Variants in FOXC1 observed in about 807,000 individuals in gnomAD.
The protein encoded by FOXC1 is forkhead box protein C1.
Under a neutral mutation model 8.1 loss-of-function variants are expected in FOXC1, and 5 were observed. The observed-to-expected ratio is 0.62, with a 90% CI of 0.32 to 1.30. FOXC1 has a LOEUF of 1.30. Ranked by LOEUF, FOXC1 falls within the 50% of genes most tolerant of loss-of-function variation. FOXC1 has a pLI of 0.05. For missense variants in FOXC1, 942 were observed against 858.0 expected, an observed-to-expected ratio of 1.10 and a Z score of -1.22; for synonymous variants, 552 against 417.2, an observed-to-expected ratio of 1.32 and a Z score of -3.94.
Position 1,610,464 on chromosome 6 carries a change from G to C in FOXC1, c.19G>C (p.Val7Leu). ...GGGGGCCATGCAGGCGCGCTACTCC[G>C]TGTCCAGCCCCAACTCCCTGGGAGT... MQARYSVSSPNSLGVVP... is the reference protein window; with the variant it reads MQARYSLSSPNSLGVVP... Residue 7 changes from valine to leucine, a missense_variant, in exon 1 of 1, where the codon GTG becomes CTG. Physicochemically the swap from Val to Leu is conservative, Grantham distance 32. Transcript: ENST00000645831. 1 of 1,446,242 alleles carries C rather than the reference G, an allele frequency of 6.9e-7. No homozygotes were observed. The highest frequency in any genetic ancestry group is 1.5e-5 in the South Asian group (1 of 67,678). 89.6% of individuals were successfully genotyped at this position (1,446,242 alleles called of 1,614,324 possible). A position where few individuals can be genotyped will look rare whatever the true frequency, so the allele number is the denominator to read the frequency against.
Position 1,611,286 on chromosome 6 carries a change from C to G in FOXC1, c.841C>G (p.Arg281Gly). Residue 281 changes from arginine (R) to glycine (G), a missense_variant, in exon 1 of 1, where the codon CGG becomes GGG. Around this residue, in one of 4 missense-constraint regions of FOXC1, gnomAD observed 726 missense variants for 599.6 expected, o/e 1.21. Transcript: ENST00000645831. This position sits in a 1 kb window ranked among gnomAD's most constrained non-coding sequence, Gnocchi z 7.1. Reference sequence around the variant, plus strand: ...CCCCCCGGGCAGCCTGCCGTCGGCGCGGCCGCTCAGCCTGGACGGTGCGGA... The same window carrying G: ...CCCCCCGGGCAGCCTGCCGTCGGCGGGGCCGCTCAGCCTGGACGGTGCGGA... ...SSPPGSLPSA[R>G]PLSLDGADSA... is the part of the protein sequence containing the mutation. 1 of 1,385,658 alleles carries G rather than the reference C, an allele frequency of 7.2e-7. No individual in the cohort carries two copies. Among genetic ancestry groups the G allele is most frequent in the Non-Finnish European group, 9.3e-7 (1 of 1,071,780 alleles). 85.8% of individuals were successfully genotyped at this position (1,385,658 alleles called of 1,614,324 possible). A position where few individuals can be genotyped will look rare whatever the true frequency, so the allele number is the denominator to read the frequency against.
In FOXC1 at chr6:1,611,899, T is replaced by C. The variant is rs1273171402; in HGVS notation, c.1454T>C (p.Leu485Ser). The C allele has an allele frequency of 9.1e-6, 14 of 1,533,576 alleles. No individual in the cohort carries two copies. Among genetic ancestry groups the C allele is most frequent in the African/African-American group, 1.5e-5 (1 of 68,038 alleles). The allele number at this position is 1,533,576 out of a possible 1,614,324, so 95.0% of individuals were successfully genotyped here. Residue 485 changes from leucine to serine, a missense_variant, in exon 1 of 1, where the codon TTG (leucine) becomes TCG (serine). Coordinates refer to ENST00000645831, the MANE Select transcript of FOXC1 (RefSeq NM_001453.3). The surrounding 1 kb of genome is among the most constrained non-coding windows in gnomAD (Gnocchi z 7.1). The stretch of plus-strand genomic sequence containing the variant: ...CAGGCGGGCGGAGACCTGGGCCACT[T>C]GGCGAGCGCGGCGGCGGCGGCGGCG... Reference protein sequence around the residue: ...LNQAGGDLGHLASAAAAAAAA... With the variant: ...LNQAGGDLGHSASAAAAAAAA...
At position 1,612,024 on chromosome 6, in the gene FOXC1, A is replaced by G. The variant is rs1762565099; in HGVS notation, c.1579A>G (p.Ser527Gly). The G allele has an allele frequency of 6.2e-7, 1 of 1,613,532 alleles. No individual in the cohort carries two copies. Among genetic ancestry groups the G allele is most frequent in the Non-Finnish European group, 8.5e-7 (1 of 1,180,002 alleles). ...GAACAACTCTCCAGTGAACGGGAAT[A>G]GTAGCTGTCAAATGGCCTTCCCTTC... ...GLNNSPVNGN[S>G]SCQMAFPSSQ... Residue 527 changes from serine (S) to glycine (G), a missense_variant, in exon 1 of 1, where the codon AGT becomes GGT. By Grantham distance (56) the Ser-to-Gly change is moderately conservative. Transcript: ENST00000645831.
Position 1,611,512 on chromosome 6 carries a change from GC to G in FOXC1, c.1069del (p.Gln357ArgfsTer44). 1 of 1,365,108 alleles carries G rather than the reference GC, an allele frequency of 7.3e-7. No homozygotes were observed. Among genetic ancestry groups the G allele is most frequent in the Non-Finnish European group, 9.5e-7 (1 of 1,053,180 alleles). The allele number at this position is 1,365,108 out of a possible 1,614,324, so 84.6% of individuals were successfully genotyped here. On this transcript the variant is annotated frameshift_variant, in exon 1 of 1. Coordinates refer to ENST00000645831, the MANE Select transcript of FOXC1 (RefSeq NM_001453.3). LOFTEE classifies it low-confidence loss of function (END_TRUNC). This position sits in a 1 kb window ranked among gnomAD's most constrained non-coding sequence, Gnocchi z 7.1. ...PPLALGAYSP[G>X]QSSLYSSPCS... Reference sequence around the variant, plus strand: ...CTGGCGCTCGGCGCCTACTCGCCCGGCCAGAGCTCCCTCTACAGCTCCCCCT... The same window carrying G: ...CTGGCGCTCGGCGCCTACTCGCCCGGCAGAGCTCCCTCTACAGCTCCCCCT...
chr6:1,611,144 C>T lies in FOXC1; in HGVS notation c.699C>T (p.Cys233=), dbSNP rs760040270. 1.3e-5 allele frequency: 18 copies of T among 1,439,716 alleles called. No individual in the cohort carries two copies. The highest frequency in any genetic ancestry group is 1.5e-5 in the Non-Finnish European group (16 of 1,088,528). The allele number at this position is 1,439,716 out of a possible 1,614,324, so 89.2% of individuals were successfully genotyped here. ...ACATCAAGACCGAGAACGGTACGTG[C>T]CCCTCGCCGCCCCAGCCCCTGTCCC... ...IQDIKTENGT[C]PSPPQPLSPA... is the part of the protein sequence containing the mutation. The change falls in exon 1 of 1, where the codon TGC becomes TGT. Residue 233 remains cysteine (C), a synonymous_variant. Coordinates refer to ENST00000645831, the MANE Select transcript of FOXC1 (RefSeq NM_001453.3). This position sits in a 1 kb window ranked among gnomAD's most constrained non-coding sequence, Gnocchi z 7.1.
In FOXC1 at chr6:1,611,004, G is replaced by C. The variant is rs772018744; in HGVS notation, c.559G>C (p.Asp187His). 1 of 1,609,254 alleles carries C rather than the reference G, an allele frequency of 6.2e-7. No individual in the cohort carries two copies. Among genetic ancestry groups the C allele is most frequent in the South Asian group, 1.1e-5 (1 of 90,868 alleles). ...KDAVKDKEEK[D>H]RLHLKEPPPP... ...CGCGGTGAAGGACAAGGAGGAGAAG[G>C]ACAGGCTGCACCTCAAGGAGCCGCC... The change falls in exon 1 of 1, where the codon GAC becomes CAC. Residue 187 changes from aspartate (D) to histidine (H), a missense_variant. Around this residue, in one of 4 missense-constraint regions of FOXC1, gnomAD observed 726 missense variants for 599.6 expected, o/e 1.21. Transcript: ENST00000645831. This position sits in a 1 kb window ranked among gnomAD's most constrained non-coding sequence, Gnocchi z 7.1.
rs535065221 is a variant in FOXC1 at position 1,611,554 on chromosome 6, G to C, written c.1109G>C (p.Ser370Thr). 63 of 1,229,392 alleles carry C rather than the reference G, an allele frequency of 5.1e-5. No homozygotes were observed. Among genetic ancestry groups the C allele is most frequent in the Middle Eastern group, 6.4e-4 (2 of 3,138 alleles). 76.2% of individuals were successfully genotyped at this position (1,229,392 alleles called of 1,614,324 possible). The change falls in exon 1 of 1, where the codon AGC becomes ACC. Residue 370 changes from serine to threonine, a missense_variant. Coordinates refer to ENST00000645831, the MANE Select transcript of FOXC1 (RefSeq NM_001453.3). This position sits in a 1 kb window ranked among gnomAD's most constrained non-coding sequence, Gnocchi z 7.1. ...LYSSPCSQTSSAGSSGGGGGG... is the reference protein window; with the variant it reads ...LYSSPCSQTSTAGSSGGGGGG... ...AGCTCCCCCTGCAGCCAGACCTCCA[G>C]CGCGGGCAGCTCGGGCGGCGGCGGC...
rs1165097104 is a variant in FOXC1 at position 1,610,555 on chromosome 6, A to G, written c.110A>G (p.Tyr37Cys). The G allele has an allele frequency of 1.3e-6, 2 of 1,561,616 alleles. No homozygotes were observed. The highest frequency in any genetic ancestry group is 1.4e-5 in the African/African-American group (1 of 73,122). The change falls in exon 1 of 1, where the codon TAC becomes TGC. Residue 37 changes from tyrosine (Y) to cysteine (C), a missense_variant. Coordinates refer to ENST00000645831, the MANE Select transcript of FOXC1 (RefSeq NM_001453.3). ...GCGGCCGCGGCGGCCGGGGGCGGCT[A>G]CACCGCCATGCCGGCCCCCATGAGC... The part of the protein sequence containing the change: ...RAAAAAAGGG[Y>C]TAMPAPMSVY...
At position 1,611,958 on chromosome 6, in the gene FOXC1, C is replaced by A; in HGVS notation, c.1513C>A (p.His505Asn). The change falls in exon 1 of 1, where the codon CAC (histidine) becomes AAC (asparagine). Residue 505 changes from histidine (H) to asparagine (N), a missense_variant. Coordinates refer to ENST00000645831, the MANE Select transcript of FOXC1 (RefSeq NM_001453.3). The surrounding 1 kb of genome is among the most constrained non-coding windows in gnomAD (Gnocchi z 7.1). ...AGYPGQQQNF[H>N]SVREMFESQR... ...CTACCCGGGCCAGCAGCAGAACTTC[C>A]ACTCGGTGCGGGAGATGTTCGAGTC... 6.2e-7 allele frequency: 1 copy of A among 1,602,980 alleles called. No individual in the cohort carries two copies.
rs1200902431 is a variant in FOXC1, at chr6:1,610,562, C to T, written c.117C>T (p.Ala39=). 3.8e-6 allele frequency: 6 copies of T among 1,570,364 alleles called. No individual in the cohort carries two copies. Among genetic ancestry groups the T allele is most frequent in the African/African-American group, 1.4e-5 (1 of 73,570 alleles). Residue 39 remains alanine, a synonymous_variant, in exon 1 of 1, where the codon GCC becomes GCT. Transcript: ENST00000645831. ...CGGCGGCCGGGGGCGGCTACACCGC[C>T]ATGCCGGCCCCCATGAGCGTGTACT... ...AAAAAGGGYT[A]MPAPMSVYSH...
Position 1,610,455 on chromosome 6 carries a change from C to T in FOXC1, c.10C>T (p.Arg4Cys), listed in dbSNP as rs1419959878. Residue 4 changes from arginine (R) to cysteine (C), a missense_variant, in exon 1 of 1, where the codon CGC (arginine) becomes TGC (cysteine). Physicochemically the swap from Arg to Cys is radical, Grantham distance 180. Transcript: ENST00000645831. MQARYSVSSPNSLG... is the reference protein window; with the variant it reads MQACYSVSSPNSLG... ...GCGGCGAGCGGGGGCCATGCAGGCG[C>T]GCTACTCCGTGTCCAGCCCCAACTC... is the stretch of plus-strand genomic sequence containing the variant. 20 of 1,426,088 alleles carry T rather than the reference C, an allele frequency of 1.4e-5. No individual in the cohort carries two copies. Among genetic ancestry groups the T allele is most frequent in the Non-Finnish European group, 1.7e-5 (19 of 1,090,984 alleles). The allele number at this position is 1,426,088 out of a possible 1,614,324, so 88.3% of individuals were successfully genotyped here.
rs869168693 is a variant in FOXC1, at chr6:1,612,767, CTTTT to C, written c.*662_*665del. 4.7e-6 allele frequency: 1 copy of C among 210,750 alleles called. No individual in the cohort carries two copies. Among genetic ancestry groups the C allele is most frequent in the African/African-American group, 2.3e-5 (1 of 43,190 alleles). 13.1% of individuals were successfully genotyped at this position (210,750 alleles called of 1,614,324 possible). ...AATCTTATTCTATCCTCTTTTCTTT[CTTTT>C]TGTTGAACATATTCATTGTTTGTTT... is the stretch of plus-strand genomic sequence containing the variant. On this transcript the variant is annotated 3_prime_UTR_variant, in exon 1 of 1. Coordinates refer to ENST00000645831, the MANE Select transcript of FOXC1 (RefSeq NM_001453.3).
chr6:1,610,908 G>C lies in FOXC1; in HGVS notation c.463G>C (p.Asp155His). 1 of 1,613,976 alleles carries C rather than the reference G, an allele frequency of 6.2e-7. No individual in the cohort carries two copies. The highest frequency in any genetic ancestry group is 8.5e-7 in the Non-Finnish European group (1 of 1,179,986). The change falls in exon 1 of 1, where the codon GAC becomes CAC. Residue 155 changes from aspartate (D) to histidine (H), a missense_variant. Physicochemically the swap from Asp to His is moderately conservative, Grantham distance 81. Around this residue, in one of 4 missense-constraint regions of FOXC1, gnomAD observed 26 missense variants for 65.5 expected, o/e 0.40. Transcript: ENST00000645831. Reference sequence around the variant, plus strand: ...GGGCAAGGGCAGCTACTGGACGCTGGACCCGGACTCCTACAACATGTTCGA... The same window carrying C: ...GGGCAAGGGCAGCTACTGGACGCTGCACCCGGACTCCTACAACATGTTCGA... Reference protein sequence around the residue: ...KPGKGSYWTLDPDSYNMFENG... With the variant: ...KPGKGSYWTLHPDSYNMFENG...
Position 1,612,486 on chromosome 6 carries a change from T to C in FOXC1, c.*379T>C. The C allele has an allele frequency of 2.4e-6, 1 of 408,366 alleles. No homozygotes were observed. Among genetic ancestry groups the C allele is most frequent in the Non-Finnish European group, 4.6e-6 (1 of 215,774 alleles). The allele number at this position is 408,366 out of a possible 1,614,324, so 25.3% of individuals were successfully genotyped here. A position where few individuals can be genotyped will look rare whatever the true frequency, so the allele number is the denominator to read the frequency against. On this transcript the variant is annotated 3_prime_UTR_variant, in exon 1 of 1. Coordinates refer to ENST00000645831, the MANE Select transcript of FOXC1 (RefSeq NM_001453.3). ...TCCTCCCGTCTCCCCTCTCTTGCCT[T>C]CTTCCTTGCCTCTCACCTGTAAGAT...
At position 1,611,938 on chromosome 6, in the gene FOXC1, C is replaced by T. The variant is rs542630440; in HGVS notation, c.1493C>T (p.Pro498Leu). 3 of 1,581,624 alleles carry T rather than the reference C, an allele frequency of 1.9e-6. No individual in the cohort carries two copies. Among genetic ancestry groups the T allele is most frequent in the Admixed American group, 1.8e-5 (1 of 54,772 alleles). The stretch of plus-strand genomic sequence containing the variant: ...GCGGCGGCGGCGGCCGCAGGCTACC[C>T]GGGCCAGCAGCAGAACTTCCACTCG... Reference protein sequence around the residue: ...AAAAAAAAGYPGQQQNFHSVR... With the variant: ...AAAAAAAAGYLGQQQNFHSVR... Residue 498 changes from proline (P) to leucine (L), a missense_variant, in exon 1 of 1, where the codon CCG becomes CTG. Coordinates refer to ENST00000645831, the MANE Select transcript of FOXC1 (RefSeq NM_001453.3). The surrounding 1 kb of genome is among the most constrained non-coding windows in gnomAD (Gnocchi z 7.1).
At position 1,610,674 on chromosome 6, in the gene FOXC1, G is replaced by A. The variant is rs765987336; in HGVS notation, c.229G>A (p.Val77Met). ...GCCGCAGCCGCAGCCCAAGGACATG[G>A]TGAAGCCGCCCTATAGCTACATCGC... ...YTPQPQPKDM[V>M]KPPYSYIALI... The change falls in exon 1 of 1, where the codon GTG becomes ATG. Residue 77 changes from valine to methionine, a missense_variant. By Grantham distance (21) the Val-to-Met change is conservative. Transcript: ENST00000645831. 2.5e-6 allele frequency: 4 copies of A among 1,613,734 alleles called. No individual in the cohort carries two copies. Among genetic ancestry groups the A allele is most frequent in the Non-Finnish European group, 3.4e-6 (4 of 1,179,974 alleles).
At position 1,612,104 on chromosome 6, in the gene FOXC1, T is replaced by G; in HGVS notation, c.1659T>G (p.Phe553Leu). 1 of 1,613,968 alleles carries G rather than the reference T, an allele frequency of 6.2e-7. No homozygotes were observed. The highest frequency in any genetic ancestry group is 1.3e-5 in the African/African-American group (1 of 75,012). The part of the protein sequence containing the change: ...SGAFVYDCSK[F>L] ...CTTTCGTCTACGACTGTAGCAAGTT[T>G]TGACACACCCTCAAAGCCGAACTAA... The change falls in exon 1 of 1, where the codon TTT becomes TTG. Residue 553 changes from phenylalanine to leucine, a missense_variant. Physicochemically the swap from Phe to Leu is conservative, Grantham distance 22. Around this residue, in one of 4 missense-constraint regions of FOXC1, gnomAD observed 726 missense variants for 599.6 expected, o/e 1.21. Coordinates refer to ENST00000645831, the MANE Select transcript of FOXC1 (RefSeq NM_001453.3).
rs553305445 is a variant in FOXC1, at chr6:1,613,693, A to C, written c.*1586A>C. 8 of 159,536 alleles carry C rather than the reference A, an allele frequency of 5.0e-5. No individual in the cohort carries two copies. The highest frequency in any genetic ancestry group is 2.0e-4 in the African/African-American group (7 of 35,402). The allele number at this position is 159,536 out of a possible 1,614,324, so 9.9% of individuals were successfully genotyped here. ...CTTAGGGTGATCTGCCCTGCCAATC[A>C]GACTTTGGGGAGATGGCGATTTGAT... On this transcript the variant is annotated 3_prime_UTR_variant, in exon 1 of 1. Coordinates refer to ENST00000645831, the MANE Select transcript of FOXC1 (RefSeq NM_001453.3).
Position 1,613,891 on chromosome 6 carries a change from T to A in FOXC1, c.*1784T>A, listed in dbSNP as rs919809545. ...GCAAATAAATACACTTTAATTTCAG[T>A]CAAAAACTGCTCTACGTGGCCTGTG... On this transcript the variant is annotated 3_prime_UTR_variant, in exon 1 of 1. Coordinates refer to ENST00000645831, the MANE Select transcript of FOXC1 (RefSeq NM_001453.3). The A allele has an allele frequency of 1.5e-5, 3 of 197,828 alleles. No individual in the cohort carries two copies. The highest frequency in any genetic ancestry group is 1.8e-4 in the East Asian group (2 of 11,328). 12.3% of individuals were successfully genotyped at this position (197,828 alleles called of 1,614,324 possible). A position where few individuals can be genotyped will look rare whatever the true frequency, so the allele number is the denominator to read the frequency against.
Sources: gnomAD v4.1 joint callset for allele counts on GRCh38, gnomAD v4.1.1 for gene constraint, gnomAD v4.1.1 regional missense constraint, Gnocchi (gnomAD v3.1) non-coding constraint, MANE v1.5 for transcripts, NCBI Gene and HGNC (gene_info 2026-07-23, HGNC 2026-07-21) for gene names.